MAF: variants seen among roughly 807,000 people sequenced by gnomAD.
MAF encodes MAF bZIP transcription factor, also known as transcription factor Maf.
MAF carries 10 observed loss-of-function variants against 22.0 expected under a neutral mutation model. The ratio of observed to expected loss-of-function variants is 0.45; its 90% CI spans 0.28 to 0.77. The LOEUF is 0.77. MAF is among the 30% of genes least tolerant of loss of function. The probability of loss-of-function intolerance (pLI) is 0.12; values close to 1 mark genes in which losing one functional copy is unlikely to be tolerated. For synonymous variants in MAF, 337 were observed against 255.8 expected (o/e 1.32, Z -3.03); for missense variants, 544 against 548.4 (o/e 0.99, Z 0.08).
the MAF span, among the ~76,000 whole-genome samples, chr16:79,528,548 C>T: frequency 5.9e-5 from 9 of 152,092 alleles, no homozygotes; most frequent in African/African-American, 1.7e-4. Flanking sequence ...CTTGGCAGAA[C>T]GACAGCTAGG....
the MAF span, among the ~76,000 whole-genome samples, chr16:79,440,897 G>T: frequency 6.6e-6 from 1 of 152,208 alleles, no homozygotes; most frequent in Non-Finnish European, 1.5e-5. Flanking sequence ...AAAGGAAAAA[G>T]CTGTGCACAC....
the MAF span, among the ~76,000 whole-genome samples, chr16:79,450,470 T>G: frequency 6.6e-6 from 1 of 152,190 alleles, no homozygotes; most frequent in African/African-American, 2.4e-5. Flanking sequence ...AGCTTTTAAT[T>G]CATGAGTTGC....
chr16:79,283,511 G>A, the MAF span, among the ~76,000 whole-genome samples: 1 of 152,080 alleles, frequency 6.6e-6, no homozygotes, highest in Admixed American at 6.6e-5. Flanking sequence ...AACGCCTTTA[G>A]GTCACCTATA....
At chr16:79,447,035 T>C in the MAF span, among the ~76,000 whole-genome samples, 1 of 151,870 alleles carries the variant, frequency 6.6e-6, no homozygotes, top group African/African-American at 2.4e-5. Flanking sequence ...ATTGGGTGTA[T>C]TCAAAATGAT....
the MAF span, among the ~76,000 whole-genome samples, chr16:79,428,514 G>A: frequency 1.3e-5 from 2 of 152,166 alleles, no homozygotes; most frequent in Non-Finnish European, 2.9e-5. Flanking sequence ...GAGAGACAGA[G>A]AGAGAGAAAG....
chr16:79,564,549 C>T, the MAF span, among the ~76,000 whole-genome samples: 1 of 152,222 alleles, frequency 6.6e-6, no homozygotes, highest in African/African-American at 2.4e-5. Context: ...GAAGAAGCCG[C>T]ACTGTTTACA....
the MAF span, among the ~76,000 whole-genome samples, chr16:79,230,764 C>A: frequency 6.6e-6 from 1 of 152,040 alleles, no homozygotes; most frequent in Non-Finnish European, 1.5e-5. Flanking sequence ...AGATTATATT[C>A]CAAATTTCCT....
chr16:79,513,125 ACT>A, the MAF span, among the ~76,000 whole-genome samples: 1 of 152,170 alleles, frequency 6.6e-6, no homozygotes, highest in Non-Finnish European at 1.5e-5. Context: ...GCAAGCTCAC[ACT>A]CTCACACTGG....
the MAF span, chr16:79,212,701 TGTTTCA>T: frequency 6.7e-6 from 1 of 148,688 alleles, no homozygotes; most frequent in Non-Finnish European, 1.5e-5. Flanking sequence ...TTTAAATGTT[TGTTTCA>T]GTTTGTTTTT....
chr16:79,529,471 G>A, the MAF span, among the ~76,000 whole-genome samples: 2 of 152,148 alleles, frequency 1.3e-5, no homozygotes, highest in South Asian at 4.1e-4. Flanking sequence ...GTAACTTCCT[G>A]TGAATCTATA....
At chr16:79,453,536 C>G in the MAF span, among the ~76,000 whole-genome samples, 1 of 152,156 alleles carries the variant, frequency 6.6e-6, no homozygotes, top group Non-Finnish European at 1.5e-5. Context: ...TGGCAATCAC[C>G]TAAGCATTTT....
At chr16:79,482,870 C>T in the MAF span, among the ~76,000 whole-genome samples, 1 of 122,806 alleles carries the variant, frequency 8.1e-6, no homozygotes, top group South Asian at 3.4e-4. Context: ...CTCCCTCCCT[C>T]TCCTCCTCTC....
chr16:79,327,888 T>A, the MAF span, among the ~76,000 whole-genome samples: 1 of 152,212 alleles, frequency 6.6e-6, no homozygotes, highest in African/African-American at 2.4e-5. Context: ...AGAGTGTTCT[T>A]TCCATCACCA....
chr16:79,357,427 G>C, the MAF span, among the ~76,000 whole-genome samples: 4 of 152,166 alleles, frequency 2.6e-5, no homozygotes, highest in African/African-American at 9.7e-5. Flanking sequence ...GTGAGACACT[G>C]TCTCAAAAAA....
chr16:79,538,373 A>C, the MAF span, among the ~76,000 whole-genome samples: 1 of 152,222 alleles, frequency 6.6e-6, no homozygotes, highest in African/African-American at 2.4e-5. Context: ...AAAATAATTA[A>C]GCCAGCATCT....
the MAF span, among the ~76,000 whole-genome samples, chr16:79,382,365 C>T: frequency 6.6e-6 from 1 of 152,358 alleles, no homozygotes; most frequent in Non-Finnish European, 1.5e-5. Flanking sequence ...TATATCAGAT[C>T]TGTCCAACAG....
At chr16:79,559,196 G>A in the MAF span, among the ~76,000 whole-genome samples, 2 of 152,092 alleles carry the variant, frequency 1.3e-5, no homozygotes, top group Non-Finnish European at 2.9e-5. Context: ...TGGCTGTGGA[G>A]GCCCTTGGGT....
the MAF span, among the ~76,000 whole-genome samples, chr16:79,398,736 T>A: frequency 6.6e-6 from 1 of 152,088 alleles, no homozygotes; most frequent in Non-Finnish European, 1.5e-5. Flanking sequence ...ATCTCCCACA[T>A]CAGCCTGCCC....
chr16:79,419,067 A>T, the MAF span, among the ~76,000 whole-genome samples: 1 of 152,248 alleles, frequency 6.6e-6, no homozygotes, highest in Non-Finnish European at 1.5e-5. Context: ...GTGTTTGCAC[A>T]GGAAATACAC....
Sources: allele counts gnomAD v4.1 joint callset (sites outside exome capture counted in the v4.1 genomes callset), GRCh38; gene constraint gnomAD v4.1.1; transcripts MANE v1.5; gene names NCBI Gene and HGNC (gene_info 2026-07-23, HGNC 2026-07-21).